The following ANKRD26 variants were observed in gnomAD, a reference collection of about 807,000 sequenced individuals.
ANKRD26 encodes ankyrin repeat domain 26.
ANKRD26 carries 141 observed loss-of-function variants against 208.7 expected under a neutral mutation model. The observed-to-expected ratio is 0.68, with a 90% confidence interval of 0.59 to 0.78. The LOEUF (loss-of-function observed/expected upper bound fraction) is 0.78, where lower values mean the gene tolerates loss of function less well. Ranked by LOEUF, ANKRD26 falls within the 30% of genes least tolerant of loss-of-function variation. The probability of loss-of-function intolerance (pLI) is 0.00; values close to 1 mark genes in which losing one functional copy is unlikely to be tolerated. For missense variants in ANKRD26, 1,889 were observed against 1,938.7 expected (o/e 0.97, Z 0.48); for synonymous variants, 636 against 660.4 (o/e 0.96, Z 0.57).
chr10:26,971,870 A>C (rs1407472804), downstream of ANKRD26, among the ~76,000 whole-genome samples: 1 of 152,014 alleles, frequency 6.6e-6, no homozygotes, highest in Non-Finnish European at 1.5e-5. Context: ...TTCTGGTAAA[A>C]TCTCTACCGT....
At chr10:27,025,067 TTAAA>T (rs879385825) in intron 27 of ANKRD26, among the ~76,000 whole-genome samples, 1 of 152,222 alleles carries the variant, frequency 6.6e-6, no homozygotes, top group East Asian at 1.9e-4. Flanking sequence ...CCATTTCTCT[TTAAA>T]TAAAGTTTTT....
At chr10:26,972,152 G>A (rs1021375542), downstream of ANKRD26, among the ~76,000 whole-genome samples, 6 of 151,118 alleles carry the variant, frequency 4.0e-5, no homozygotes, top group South Asian at 2.1e-4. Flanking sequence ...GGAGAATGGC[G>A]TGATCCCGGG....
chr10:27,018,868 C>A (rs188280227), intron 29 of ANKRD26, among the ~76,000 whole-genome samples: 1 of 152,218 alleles, frequency 6.6e-6, no homozygotes, highest in Admixed American at 6.5e-5. Flanking sequence ...AAAAGTAAGA[C>A]CTTGAAACTA....
chr10:26,988,633 A>G (rs2052429725), downstream of ANKRD26, among the ~76,000 whole-genome samples: 1 of 152,188 alleles, frequency 6.6e-6, no homozygotes, highest in East Asian at 1.9e-4. Context: ...GGAATACTAA[A>G]GAAGGCACTG....
exon 6 of ANKRD26, among the ~76,000 whole-genome samples, chr10:26,975,861 T>A (rs957744713): frequency 6.6e-6 from 1 of 150,768 alleles, no homozygotes; most frequent in Middle Eastern, 3.2e-3. Context: ...AAATAAATAA[T>A]AAATAAATAA....
intron 17 of ANKRD26, among the ~76,000 whole-genome samples, chr10:27,047,478 T>C (rs1317101208): frequency 6.6e-6 from 1 of 151,348 alleles, no homozygotes; most frequent in East Asian, 2.0e-4. Flanking sequence ...AAAATTAGCC[T>C]GGTGTGGTGG....
At chr10:27,063,467 C>G (rs775526035) in intron 12 of ANKRD26, among the ~76,000 whole-genome samples, 51 of 151,850 alleles carry the variant, frequency 3.4e-4, no homozygotes, top group Non-Finnish European at 4.4e-5. Context: ...ATTACAGGTG[C>G]GTGCCACCAC....
At chr10:27,052,069 G>A (rs2054681752) in intron 16 of ANKRD26, 1 of 985,372 alleles carries the variant, frequency 1.0e-6, no homozygotes, top group Non-Finnish European at 1.2e-6. Flanking sequence ...AGACATGAAA[G>A]TGGACGATTA....
chr10:27,004,049 G>GT (rs2052789666), downstream of ANKRD26: 1 of 152,054 alleles, frequency 6.6e-6, no homozygotes. Flanking sequence ...GTTATGTAAG[G>GT]TAATTCCTTT....
intron 5 of ANKRD26, among the ~76,000 whole-genome samples, chr10:26,993,908 A>G (rs2052533453): frequency 6.6e-6 from 1 of 152,168 alleles, no homozygotes; most frequent in Non-Finnish European, 1.5e-5. Context: ...CATGGGCCAC[A>G]GTGGGTGGCA....
At chr10:26,965,025 C>T in the ANKRD26 span, among the ~76,000 whole-genome samples, 1 of 152,158 alleles carries the variant, frequency 6.6e-6, no homozygotes, top group Non-Finnish European at 1.5e-5. Context: ...ACAGCCTTGT[C>T]TTTTGCCAAT....
intron 25 of ANKRD26, among the ~76,000 whole-genome samples, 177 bp downstream of exon 25, chr10:27,033,048 A>G (rs1589248568): frequency 6.6e-6 from 1 of 151,304 alleles, no homozygotes; most frequent in Middle Eastern, 3.4e-3. Flanking sequence ...GTGCCACTGC[A>G]CTCCAGCCTG....
At chr10:27,074,206 G>T (rs930738281) in intron 9 of ANKRD26, among the ~76,000 whole-genome samples, 1 of 152,026 alleles carries the variant, frequency 6.6e-6, no homozygotes, top group Non-Finnish European at 1.5e-5. Flanking sequence ...ACCAGATAAA[G>T]AATTCAAAAG....
At position 27,053,337 on chromosome 10, in the gene ANKRD26, C is replaced by G; in HGVS notation, c.1618G>C (p.Glu540Gln). 1 of 1,609,516 alleles carries G rather than the reference C, an allele frequency of 6.2e-7. No homozygotes were observed. Among genetic ancestry groups the G allele is most frequent in the Non-Finnish European group, 8.5e-7 (1 of 1,177,896 alleles). Residue 540 changes from glutamate to glutamine, a missense_variant, in exon 16 of 34, where the codon GAA (glutamate) becomes CAA (glutamine). Physicochemically the swap from Glu to Gln is conservative, Grantham distance 29 (BLOSUM62 2). This residue lies in a region of ANKRD26 where 1,272 missense variants were observed against 1,273.8 expected (regional missense o/e 1.00). Coordinates refer to ENST00000376087, the MANE Select transcript of ANKRD26 (RefSeq NM_014915.3). ...TATAATACCTGTGGCTGGTTATTTT[C>G]ACTCCCTTCCCTTTCTTGCTCTTCT... is the stretch of plus-strand genomic sequence containing the variant. ...SEEEQEREGS[E>Q]NNQPQVEEER...
intron 12 of ANKRD26, 133 bp downstream of exon 12, chr10:27,063,855 C>T (rs1332079487): frequency 9.1e-6 from 7 of 768,332 alleles, no homozygotes; most frequent in Non-Finnish European, 1.5e-5. Context: ...CAACTTATCA[C>T]AATTTTACCT....
downstream of ANKRD26, among the ~76,000 whole-genome samples, chr10:26,972,107 C>CAT (rs2052155866): frequency 6.6e-6 from 1 of 151,670 alleles, no homozygotes; most frequent in East Asian, 1.9e-4. Context: ...TGGTGGCGGG[C>CAT]GCCTGTAGTC....
At chr10:26,961,947 C>G in the ANKRD26 span, among the ~76,000 whole-genome samples, 2 of 152,108 alleles carry the variant, frequency 1.3e-5, no homozygotes, top group Non-Finnish European at 2.9e-5. Context: ...ATGTGTATAA[C>G]AAGAACCACG....
chr10:27,007,349 T>C (rs1203760653), intron 32 of ANKRD26, among the ~76,000 whole-genome samples: 1 of 152,170 alleles, frequency 6.6e-6, no homozygotes, highest in Non-Finnish European at 1.5e-5. Context: ...CTTTAGTGGA[T>C]TTTTCCTTAA....
intron 17 of ANKRD26, among the ~76,000 whole-genome samples, chr10:27,048,423 T>G (rs1267759311): frequency 2.6e-5 from 4 of 152,216 alleles, no homozygotes; most frequent in Admixed American, 1.3e-4. Flanking sequence ...TGCATTTTTA[T>G]GTAAGTCATA....
Sources: allele counts gnomAD v4.1 joint callset (sites outside exome capture counted in the v4.1 genomes callset), GRCh38; gene constraint gnomAD v4.1.1; regional missense constraint gnomAD v4.1.1; transcripts MANE v1.5; gene names NCBI Gene and HGNC (gene_info 2026-07-23, HGNC 2026-07-21).